Variants in CHN2 observed in about 807,000 individuals in gnomAD.
The protein encoded by CHN2 is chimerin 2.
Under a neutral mutation model 56.3 loss-of-function variants are expected in CHN2, and 35 were observed. That is an observed-to-expected ratio of 0.62 (90% CI 0.47 to 0.82). CHN2 has a LOEUF of 0.82. Among genes scored for constraint, CHN2 ranks in the 40% least tolerant of loss-of-function variants. CHN2 has a pLI of 0.00. For synonymous variants in CHN2, 210 were observed against 212.8 expected, an observed-to-expected ratio of 0.99 and a Z score of 0.12; for missense variants, 491 against 580.5, an observed-to-expected ratio of 0.85 and a Z score of 1.58.
At chr7:29,317,396 C>T (rs1795032307) in intron 1 of CHN2, among the ~76,000 whole-genome samples, 2 of 152,070 alleles carry the variant, frequency 1.3e-5, no homozygotes. Flanking sequence ...ACTTTGGGAC[C>T]GAAGGATATT....
chr7:29,503,164 C>T (rs913037200), intron 9 of CHN2, among the ~76,000 whole-genome samples: 9 of 152,096 alleles, frequency 5.9e-5, no homozygotes, highest in African/African-American at 2.2e-4. Context: ...ATAATTAAGG[C>T]TAAATGAGGT....
At chr7:29,217,396 C>T (rs1785427662) in intron 1 of CHN2, among the ~76,000 whole-genome samples, 1 of 152,170 alleles carries the variant, frequency 6.6e-6, no homozygotes, top group African/African-American at 2.4e-5. Flanking sequence ...CTTTATCAGT[C>T]TTTCAGTTTG....
intron 2 of CHN2, among the ~76,000 whole-genome samples, chr7:29,188,217 C>T (rs1190808288): frequency 6.6e-6 from 1 of 152,202 alleles, no homozygotes; most frequent in African/African-American, 2.4e-5. Flanking sequence ...CACTATATTA[C>T]ATCTATCACT....
intron 1 of CHN2, among the ~76,000 whole-genome samples, chr7:29,252,407 C>G (rs888433255): frequency 2.0e-5 from 3 of 150,972 alleles, no homozygotes; most frequent in African/African-American, 7.3e-5. Flanking sequence ...CCAGGATGGT[C>G]TCAAACTCCT....
At chr7:29,464,513 G>T (rs192486332) in intron 6 of CHN2, among the ~76,000 whole-genome samples, 38 of 152,298 alleles carry the variant, frequency 2.5e-4, no homozygotes, top group African/African-American at 9.1e-4. Flanking sequence ...TCACAAACCT[G>T]CACATTCTGC....
chr7:29,409,688 T>C (rs978463175), intron 6 of CHN2, among the ~76,000 whole-genome samples: 14 of 152,164 alleles, frequency 9.2e-5, no homozygotes, highest in African/African-American at 3.1e-4. Context: ...CAACAAGTGG[T>C]AGTTTCTTAA....
intron 2 of CHN2, among the ~76,000 whole-genome samples, chr7:29,187,471 C>T (rs990475899): frequency 9.9e-5 from 15 of 152,092 alleles, no homozygotes; most frequent in Admixed American, 9.2e-4. Flanking sequence ...CGCCTGTAAT[C>T]CCAGCACTTT....
intron 1 of CHN2, among the ~76,000 whole-genome samples, chr7:29,289,755 G>A (rs749504381): frequency 2.6e-5 from 4 of 152,152 alleles, no homozygotes; most frequent in Non-Finnish European, 5.9e-5. Context: ...GCCTATCAAC[G>A]CCGCACTGTT....
chr7:29,268,283 AACACACACACACACAC>A (rs145638795), intron 1 of CHN2, among the ~76,000 whole-genome samples: 6 of 134,170 alleles, frequency 4.5e-5, no homozygotes, highest in East Asian at 2.6e-4. Context: ...GCTTCACCAG[AACACACACACACACAC>A]ACACACACAC....
chr7:29,381,592 A>G (rs1320355480), intron 3 of CHN2, among the ~76,000 whole-genome samples: 1 of 151,984 alleles, frequency 6.6e-6, no homozygotes, highest in African/African-American at 2.4e-5. Flanking sequence ...GGTGCTGCCA[A>G]GGTGTCCTAA....
chr7:29,466,608 A>G (rs752733), intron 6 of CHN2, among the ~76,000 whole-genome samples: 17,956 of 152,250 alleles, frequency 0.12, 1,123 homozygotes, highest in South Asian at 0.2. Context: ...CAGAAAGTGA[A>G]TCCTTCCTTA....
intron 7 of CHN2, among the ~76,000 whole-genome samples, chr7:29,486,276 G>A (rs921934147): frequency 6.6e-6 from 1 of 152,154 alleles, no homozygotes; most frequent in Admixed American, 6.5e-5. Flanking sequence ...GCAGGGGACC[G>A]TATCTCCCTA....
intron 1 of CHN2, among the ~76,000 whole-genome samples, chr7:29,245,005 G>C (rs539702666): frequency 6.6e-6 from 1 of 152,134 alleles, no homozygotes; most frequent in Non-Finnish European, 1.5e-5. Context: ...GGCCAGGCCA[G>C]ATTACCTATG....
Position 29,392,283 on chromosome 7 carries a change from A to G in CHN2, c.145-1396A>G, listed in dbSNP as rs137949439. On this transcript the variant is annotated intron_variant, in intron 3 of 12. Transcript: ENST00000222792. Reference sequence around the variant, plus strand: ...GAACTTTGAAAGCCGAAAGACTGATATAAATGACAACATATTCAATTCTCA... The same window carrying G: ...GAACTTTGAAAGCCGAAAGACTGATGTAAATGACAACATATTCAATTCTCA... 3.3e-3 allele frequency among the ~76,000 whole-genome samples: 501 copies of G among 152,368 alleles called. 5 individuals carry two copies. The highest frequency in any genetic ancestry group is 0.011 in the African/African-American group (465 of 41,586).
intron 1 of CHN2, among the ~76,000 whole-genome samples, chr7:29,320,055 C>G (rs1343305198): frequency 6.6e-6 from 1 of 152,178 alleles, no homozygotes; most frequent in Non-Finnish European, 1.5e-5. Context: ...CTTACATCAG[C>G]TCACTGAATC....
chr7:29,412,324 T>TC (rs1803303695), intron 6 of CHN2, among the ~76,000 whole-genome samples: 2 of 95,574 alleles, frequency 2.1e-5, no homozygotes, highest in East Asian at 5.0e-4. Flanking sequence ...AAGAGTCTTT[T>TC]TTTTTTTTTT....
At chr7:29,347,668 C>A (rs2128919595) in intron 1 of CHN2, among the ~76,000 whole-genome samples, 1 of 152,290 alleles carries the variant, frequency 6.6e-6, no homozygotes, top group African/African-American at 2.4e-5. Context: ...TTACAGTTTT[C>A]AAGATGAAAC....
chr7:29,311,527 G>A (rs1562909032), intron 1 of CHN2, among the ~76,000 whole-genome samples: 1 of 152,230 alleles, frequency 6.6e-6, no homozygotes, highest in Non-Finnish European at 1.5e-5. Context: ...GGCACAAAGA[G>A]GCTAAGCAAC....
chr7:29,457,392 C>G lies in CHN2; in HGVS notation c.577-22887C>G, dbSNP rs542884766. Among the ~76,000 whole-genome samples the G allele has an allele frequency of 1.8e-4, 27 of 152,282 alleles. No homozygotes were observed. The South Asian group carries it at 5.4e-3, about 30-fold the overall frequency. On this transcript the variant is annotated intron_variant, in intron 6 of 12. Coordinates refer to ENST00000222792, the MANE Select transcript of CHN2 (RefSeq NM_004067.4). ...TGTTCCTTGCATTGTCATCAGCCCCCAGGCCGTCTCAGAGCTCCCCGTGCC... is the reference window on the plus strand; with the variant it reads ...TGTTCCTTGCATTGTCATCAGCCCCGAGGCCGTCTCAGAGCTCCCCGTGCC...
Sources: gnomAD v4.1 joint callset for allele counts (sites outside exome capture counted in the v4.1 genomes callset) on GRCh38, gnomAD v4.1.1 for gene constraint, MANE v1.5 for transcripts, NCBI Gene and HGNC (gene_info 2026-07-23, HGNC 2026-07-21) for gene names.